The following NAV1 variants were observed in gnomAD, a reference collection of about 807,000 sequenced individuals.
The protein encoded by NAV1 is pore membrane and/or filament interacting like protein 3.
NAV1 carries 18 observed loss-of-function variants against 175.2 expected under a neutral mutation model. The observed-to-expected ratio is 0.10, with a 90% confidence interval of 0.07 to 0.15. The LOEUF (loss-of-function observed/expected upper bound fraction) is 0.15, where lower values mean the gene tolerates loss of function less well. NAV1 is among the 10% of genes least tolerant of loss of function. The pLI is 1.00. For missense variants in NAV1, 1,731 were observed against 2,436.6 expected, an observed-to-expected ratio of 0.71 and a Z score of 6.10; for synonymous variants, 897 against 978.7, an observed-to-expected ratio of 0.92 and a Z score of 1.56.
exon 1 of NAV1, chr1:201,648,384 G>T: frequency 8.2e-7 from 1 of 1,224,500 alleles, no homozygotes; most frequent in Non-Finnish European, 1.0e-6. Flanking sequence ...TATTTTCCCC[G>T]CCGCCCCGCC....
chr1:201,758,966 A>T (rs1347841440), intron 3 of NAV1, among the ~76,000 whole-genome samples: 2 of 152,184 alleles, frequency 1.3e-5, no homozygotes, highest in Non-Finnish European at 2.9e-5. Context: ...TTCTTGTTGT[A>T]AGTAAAATGG....
Position 201,740,429 on chromosome 1 carries a change from T to C in NAV1, c.1226+21674T>C, listed in dbSNP as rs1673343814. The stretch of plus-strand genomic sequence containing the variant: ...GCGCAACTTGATTGAACTTCGATGG[T>C]TGCGGCTGTGGCGCGTGGGGGCCCG... On this transcript the variant is annotated intron_variant, in intron 3 of 29. Coordinates refer to ENST00000367296, the Ensembl canonical transcript of NAV1. This position sits in a 1 kb window ranked among gnomAD's most constrained non-coding sequence, Gnocchi z 4.7. 6.6e-6 allele frequency among the ~76,000 whole-genome samples: 1 copy of C among 152,154 alleles called. No homozygotes were observed. Among genetic ancestry groups the C allele is most frequent in the Admixed American group, 6.5e-5 (1 of 15,290 alleles).
At chr1:201,546,101 AG>A (rs1001262617) in intron 1 of NAV1, among the ~76,000 whole-genome samples, 1 of 152,176 alleles carries the variant, frequency 6.6e-6, no homozygotes, top group East Asian at 1.9e-4. Context: ...ACACACGGTT[AG>A]GGGGCCCCAG....
chr1:201,589,614 C>A (rs1667131211), intron 2 of NAV1, among the ~76,000 whole-genome samples: 1 of 152,184 alleles, frequency 6.6e-6, no homozygotes, highest in Non-Finnish European at 1.5e-5. Context: ...ACCTCAGCCT[C>A]CTGTGTAGCT....
intron 1 of NAV1, among the ~76,000 whole-genome samples, chr1:201,567,057 A>T (rs1336769779): frequency 1.6e-5 from 2 of 121,940 alleles, no homozygotes; most frequent in Non-Finnish European, 3.5e-5. Flanking sequence ...GTCCCCTCCC[A>T]CCCCCCATCC....
chr1:201,618,092 G>T (rs568460126), upstream of NAV1, among the ~76,000 whole-genome samples: 20 of 152,228 alleles, frequency 1.3e-4, no homozygotes, highest in African/African-American at 4.1e-4. Context: ...CATCATCCAT[G>T]GGCCTCAGCC....
Position 201,810,844 on chromosome 1 carries a change from G to T in NAV1, c.4797+86G>T. 1 of 1,000,232 alleles carries T rather than the reference G, an allele frequency of 1.0e-6. No individual in the cohort carries two copies. The highest frequency in any genetic ancestry group is 2.6e-5 in the East Asian group (1 of 38,744). 62.0% of individuals were successfully genotyped at this position (1,000,232 alleles called of 1,614,324 possible). ...TTCCTCGGCCCCTTCCTGCCTCATT[G>T]TTCCCTTTTCCTCACCTCTGCCTTC... On this transcript the variant is annotated intron_variant, in intron 24 of 29. Coordinates refer to ENST00000367296, the Ensembl canonical transcript of NAV1. The surrounding 1 kb of genome is among the most constrained non-coding windows in gnomAD (Gnocchi z 6.0).
chr1:201,780,308 CT>C (rs1676234129), intron 3 of NAV1, 112 bp from the exon 8 acceptor site: 5 of 1,281,430 alleles, frequency 3.9e-6, no homozygotes, highest in African/African-American at 1.5e-5. Context: ...AGGTTTTCTC[CT>C]TTTGGCTAGC....
intron 3 of NAV1, among the ~76,000 whole-genome samples, chr1:201,765,216 C>T (rs768297380): frequency 1.7e-4 from 26 of 152,130 alleles, no homozygotes; most frequent in Non-Finnish European, 3.7e-4. Context: ...GCTTTAACTC[C>T]TTTCTAAGTG....
intron 2 of NAV1, among the ~76,000 whole-genome samples, chr1:201,630,414 G>A (rs1401931514): frequency 1.3e-5 from 2 of 152,190 alleles, no homozygotes; most frequent in African/African-American, 2.4e-5. Flanking sequence ...CTGCTCCAGC[G>A]GGCCAAGCTG....
At chr1:201,650,115 C>G (rs1023150941) in intron 1 of NAV1, among the ~76,000 whole-genome samples, 4 of 152,242 alleles carry the variant, frequency 2.6e-5, no homozygotes, top group Admixed American at 1.3e-4. Context: ...TGGGCGTTAG[C>G]GCCGAGACTC....
intron 15 of NAV1, among the ~76,000 whole-genome samples, chr1:201,798,950 C>G (rs1010494392): frequency 6.6e-6 from 1 of 151,930 alleles, no homozygotes; most frequent in Admixed American, 6.6e-5. Flanking sequence ...GATCCACCCA[C>G]CTCAGCCTCC....
At chr1:201,726,335 A>T (rs973546835) in intron 3 of NAV1, among the ~76,000 whole-genome samples, 1 of 152,168 alleles carries the variant, frequency 6.6e-6, no homozygotes, top group Non-Finnish European at 1.5e-5. Context: ...AAGTATAAAG[A>T]GCTGTCAGTT....
intron 2 of NAV1, among the ~76,000 whole-genome samples, chr1:201,642,511 C>CTCTTTCTTTTTTTCTTTCTTTCTT (rs1553247032): frequency 6.6e-5 from 3 of 45,550 alleles, no homozygotes; most frequent in Non-Finnish European, 1.4e-4. Context: ...CGCACCCGGC[C>CTCTTTCTTTTTTTCTTTCTTTCTT]TCTTTCTTTC....
chr1:201,677,637 G>T (rs928767769), intron 1 of NAV1, among the ~76,000 whole-genome samples: 1 of 151,992 alleles, frequency 6.6e-6, no homozygotes, highest in Admixed American at 6.6e-5. Flanking sequence ...TTGTTTGTTT[G>T]TTTGTTTCAT....
At chr1:201,780,647 C>T (rs1295947184) in intron 4 of NAV1, 88 bp downstream of exon 8, 2 of 1,533,530 alleles carry the variant, frequency 1.3e-6, no homozygotes, top group African/African-American at 1.4e-5. Flanking sequence ...TGCACGTACA[C>T]ACCCACTCCA....
At position 201,633,392 on chromosome 1, in the gene NAV1, A is replaced by G. The variant is rs950838541; in HGVS notation, c.4+3885A>G. Among the ~76,000 whole-genome samples the G allele has an allele frequency of 9.9e-5, 15 of 152,206 alleles. 1 individual carries two copies. Among genetic ancestry groups the G allele is most frequent in the Admixed American group, 5.9e-4 (9 of 15,290 alleles). On this transcript the variant is annotated intron_variant, in intron 2 of 29. Coordinates refer to the NAV1 transcript ENST00000367302. ...TAGGAAACTCAGGCTCAGAAGGGTTATATAAAACCTGTCTGAGGACATCCA... is the reference window on the plus strand; with the variant it reads ...TAGGAAACTCAGGCTCAGAAGGGTTGTATAAAACCTGTCTGAGGACATCCA...
At chr1:201,615,263 C>CTTTTT (rs1256633287) in intron 2 of NAV1, among the ~76,000 whole-genome samples, 18 of 145,078 alleles carry the variant, frequency 1.2e-4, no homozygotes, top group African/African-American at 3.7e-4. Flanking sequence ...TTCTTTCTTT[C>CTTTTT]TTTCTTTTTT....
intron 2 of NAV1, among the ~76,000 whole-genome samples, chr1:201,642,097 T>C (rs1668776335): frequency 6.7e-6 from 1 of 148,992 alleles, no homozygotes; most frequent in Non-Finnish European, 1.5e-5. Flanking sequence ...CCTCCTTCCT[T>C]CCCTTCCTCT....
Sources: gnomAD v4.1 joint callset for allele counts (sites outside exome capture counted in the v4.1 genomes callset) on GRCh38, gnomAD v4.1.1 for gene constraint, Gnocchi (gnomAD v3.1) non-coding constraint, MANE v1.5 for transcripts, NCBI Gene and HGNC (gene_info 2026-07-23, HGNC 2026-07-21) for gene names.